ITPR2: variants seen among roughly 807,000 people sequenced by gnomAD.
The protein encoded by ITPR2 is inositol 1,4,5-trisphosphate-gated calcium channel ITPR2.
ITPR2 carries 207 observed loss-of-function variants against 317.1 expected under a neutral mutation model. The observed-to-expected ratio is 0.65, with a 90% CI of 0.58 to 0.73. The LOEUF (loss-of-function observed/expected upper bound fraction) is 0.73. Ranked by LOEUF, ITPR2 falls within the 30% of genes least tolerant of loss-of-function variation. The probability of loss-of-function intolerance (pLI) is 0.00; values close to 1 mark genes in which losing one functional copy is unlikely to be tolerated. For missense variants in ITPR2, 2,613 were observed against 3,284.0 expected, an observed-to-expected ratio of 0.80 and a Z score of 4.99; for synonymous variants, 1,156 against 1,149.1, an observed-to-expected ratio of 1.01 and a Z score of -0.12.
chr12:26,626,330 A>C (rs190864592), intron 23 of ITPR2, among the ~76,000 whole-genome samples: 1 of 152,342 alleles, frequency 6.6e-6, no homozygotes, highest in African/African-American at 2.4e-5. Context: ...AAAAAGAAAC[A>C]CAGTAAGATA....
At chr12:26,594,528 C>T (rs1334367009) in intron 32 of ITPR2, among the ~76,000 whole-genome samples, 3 of 152,016 alleles carry the variant, frequency 2.0e-5, no homozygotes, top group African/African-American at 4.8e-5. Context: ...CCTCCAAATA[C>T]ATCTATATAA....
intron 32 of ITPR2, among the ~76,000 whole-genome samples, chr12:26,580,442 C>A (rs1020121558): frequency 3.3e-5 from 5 of 152,166 alleles, no homozygotes; most frequent in African/African-American, 9.7e-5. Flanking sequence ...TGCACACCAA[C>A]CTCTCCCTCA....
intron 13 of ITPR2, among the ~76,000 whole-genome samples, chr12:26,675,620 G>A (rs112836313): frequency 2.3e-4 from 35 of 152,038 alleles, no homozygotes; most frequent in African/African-American, 5.1e-4. Flanking sequence ...TGGGTACAGC[G>A]CACCAGCATG....
At chr12:26,689,898 T>C (rs1948202251) in intron 10 of ITPR2, among the ~76,000 whole-genome samples, 1 of 152,214 alleles carries the variant, frequency 6.6e-6, no homozygotes, top group Non-Finnish European at 1.5e-5. Context: ...TGTTTGTTTT[T>C]AATGATATCC....
chr12:26,696,378 A>G (rs1417337193), intron 9 of ITPR2, among the ~76,000 whole-genome samples: 4 of 152,182 alleles, frequency 2.6e-5, no homozygotes, highest in Admixed American at 6.5e-5. Flanking sequence ...AAGTTGTCCA[A>G]TTGAATTTAA....
intron 45 of ITPR2, among the ~76,000 whole-genome samples, chr12:26,473,199 T>G (rs2136816076): frequency 6.6e-6 from 1 of 152,342 alleles, no homozygotes; most frequent in South Asian, 2.1e-4. Context: ...TATCCTCTAC[T>G]TTTATGCTTA....
chr12:26,793,104 C>T (rs1009619592), intron 1 of ITPR2, among the ~76,000 whole-genome samples: 1 of 152,194 alleles, frequency 6.6e-6, no homozygotes, highest in Non-Finnish European at 1.5e-5. Flanking sequence ...AGATCCTTTT[C>T]ATGTGTACCA....
chr12:26,724,574 T>C (rs1948888483), intron 4 of ITPR2, 82 bp downstream of exon 4: 1 of 805,244 alleles, frequency 1.2e-6, no homozygotes, highest in Non-Finnish European at 2.1e-6. Flanking sequence ...TATCTCAAAA[T>C]TTTAACGCAG....
chr12:26,504,494 GA>G (rs34469882), intron 37 of ITPR2, among the ~76,000 whole-genome samples: 5 of 151,736 alleles, frequency 3.3e-5, no homozygotes, highest in South Asian at 2.1e-4. Context: ...CAATAAACAT[GA>G]AAAAAAATGC....
rs868772863 is a variant in ITPR2, at chr12:26,436,218, T to A, written c.6769+3A>T. ...TATATTTTAAGGAAAAACGAGCACT[T>A]GCCTTCATCTCCATCATCCCCAAAT... On this transcript the variant is annotated splice_donor_region_variant and intron_variant, in intron 48 of 56. Coordinates refer to ENST00000381340, the MANE Select transcript of ITPR2 (RefSeq NM_002223.4). The A allele has an allele frequency of 6.3e-7, 1 of 1,582,308 alleles. No individual in the cohort carries two copies.
chr12:26,613,853 G>A (rs924019785), intron 26 of ITPR2, among the ~76,000 whole-genome samples: 1 of 151,950 alleles, frequency 6.6e-6, no homozygotes, highest in Non-Finnish European at 1.5e-5. Flanking sequence ...AATCTAAAGG[G>A]GTCCCAAAAG....
intron 55 of ITPR2, among the ~76,000 whole-genome samples, chr12:26,380,166 T>C (rs1160242660): frequency 6.6e-6 from 1 of 152,228 alleles, no homozygotes; most frequent in African/African-American, 2.4e-5. Flanking sequence ...ACCAGAATCC[T>C]TAAGATGAAG....
At chr12:26,654,188 C>T (rs1015412930) in intron 20 of ITPR2, 62 bp from the exon 21 acceptor site, 44 of 1,324,272 alleles carry the variant, frequency 3.3e-5, no homozygotes, top group Non-Finnish European at 4.2e-5. Flanking sequence ...AAATTGGGTA[C>T]TGAAATAAAC....
intron 26 of ITPR2, among the ~76,000 whole-genome samples, chr12:26,610,403 A>G (rs1208230956): frequency 6.6e-6 from 1 of 152,194 alleles, no homozygotes; most frequent in African/African-American, 2.4e-5. Flanking sequence ...GCAGGCAAAG[A>G]ATGGAATACA....
chr12:26,402,224 G>C (rs993503147), intron 52 of ITPR2, among the ~76,000 whole-genome samples: 1 of 152,192 alleles, frequency 6.6e-6, no homozygotes, highest in Non-Finnish European at 1.5e-5. Context: ...ATGTGTAAGA[G>C]AGCAAAAGGG....
intron 2 of ITPR2, among the ~76,000 whole-genome samples, chr12:26,771,336 C>T (rs1386709251): frequency 6.6e-6 from 1 of 152,088 alleles, no homozygotes; most frequent in Non-Finnish European, 1.5e-5. Flanking sequence ...CCCCTTTCTA[C>T]CAACTAGGAA....
At chr12:26,634,380 A>G (rs556661287) in intron 21 of ITPR2, among the ~76,000 whole-genome samples, 1 of 152,350 alleles carries the variant, frequency 6.6e-6, no homozygotes, top group South Asian at 2.1e-4. Flanking sequence ...AAGAAATTGT[A>G]CTACTTCTCA....
chr12:26,780,957 G>C (rs950847611), intron 2 of ITPR2, among the ~76,000 whole-genome samples: 1 of 152,232 alleles, frequency 6.6e-6, no homozygotes, highest in Non-Finnish European at 1.5e-5. Flanking sequence ...TAAGAAGGGA[G>C]TTACAGTGTT....
intron 2 of ITPR2, among the ~76,000 whole-genome samples, chr12:26,760,613 T>C (rs942054661): frequency 2.6e-5 from 4 of 152,184 alleles, no homozygotes; most frequent in Non-Finnish European, 5.9e-5. Context: ...ACAAATGAAC[T>C]TCTCTCCTAC....
Sources: allele counts gnomAD v4.1 joint callset (sites outside exome capture counted in the v4.1 genomes callset), GRCh38; gene constraint gnomAD v4.1.1; transcripts MANE v1.5; gene names NCBI Gene and HGNC (gene_info 2026-07-23, HGNC 2026-07-21).